Variants in TLL1 observed in about 807,000 individuals in gnomAD.
TLL1 encodes tolloid-like protein 1.
In TLL1, 49 loss-of-function variants were observed where a neutral mutation model predicts 128.2. The observed-to-expected ratio is 0.38, with a 90% confidence interval of 0.30 to 0.48. The LOEUF (loss-of-function observed/expected upper bound fraction) is 0.48. Among genes scored for constraint, TLL1 ranks in the 20% least tolerant of loss-of-function variants. The pLI, the probability that TLL1 is intolerant of heterozygous loss-of-function variation, is 0.96. For missense variants in TLL1, 1,123 were observed against 1,242.0 expected (o/e 0.90, Z 1.44); for synonymous variants, 454 against 418.8 (o/e 1.08, Z -1.03).
intron 1 of TLL1, among the ~76,000 whole-genome samples, chr4:165,947,159 G>A (rs1436986695): frequency 6.6e-6 from 1 of 152,048 alleles, no homozygotes; most frequent in African/African-American, 2.4e-5. Flanking sequence ...TTGGCATGTG[G>A]GTGGCCATCA....
intron 18 of TLL1, among the ~76,000 whole-genome samples, chr4:166,086,235 A>G (rs184806630): frequency 2.6e-5 from 4 of 152,124 alleles, no homozygotes; most frequent in Admixed American, 6.6e-5. Context: ...GAACTGAACT[A>G]TCAGAGTCAG....
chr4:166,056,747 A>C (rs896942984), intron 13 of TLL1, among the ~76,000 whole-genome samples: 13 of 152,154 alleles, frequency 8.5e-5, no homozygotes, highest in Admixed American at 6.6e-5. Context: ...TCAGAAAAAC[A>C]CACACTGTGT....
intron 1 of TLL1, among the ~76,000 whole-genome samples, chr4:165,950,085 C>T (rs1379010248): frequency 6.6e-6 from 1 of 151,930 alleles, no homozygotes; most frequent in African/African-American, 2.4e-5. Context: ...AAAAAATATA[C>T]CACACAAACT....
intron 12 of TLL1, among the ~76,000 whole-genome samples, chr4:166,050,292 G>C (rs1401614315): frequency 6.6e-6 from 1 of 152,006 alleles, no homozygotes; most frequent in Non-Finnish European, 1.5e-5. Context: ...TTTTAAGGTG[G>C]AATAATATTC....
At chr4:166,023,900 G>A (rs572186520) in intron 8 of TLL1, among the ~76,000 whole-genome samples, 4 of 150,078 alleles carry the variant, frequency 2.7e-5, no homozygotes, top group African/African-American at 1.0e-4. Context: ...TTAAACTGCT[G>A]TTAATTATAG....
chr4:166,068,907 A>G (rs1485532394), intron 16 of TLL1, among the ~76,000 whole-genome samples: 1 of 151,844 alleles, frequency 6.6e-6, no homozygotes, highest in Non-Finnish European at 1.5e-5. Flanking sequence ...TGCAGTGTCT[A>G]CACAGCTAAG....
chr4:166,015,032 AT>A lies in TLL1; in HGVS notation c.1042+473del, dbSNP rs1163867776. On this transcript the variant is annotated intron_variant, in intron 8 of 20. Transcript: ENST00000061240. ...ATTTATAACTTTGTTGTAAAAAAAA[AT>A]GTTCTAACCGGTTGCAAGTGAACTA... is the stretch of plus-strand genomic sequence containing the variant. Among the ~76,000 whole-genome samples, 11 of 151,880 alleles carry A rather than the reference AT, an allele frequency of 7.2e-5. No individual in the cohort carries two copies. The South Asian group carries it at 1.2e-3, about 17-fold the overall frequency.
intron 12 of TLL1, among the ~76,000 whole-genome samples, chr4:166,048,943 G>A (rs1181961656): frequency 1.3e-5 from 2 of 152,156 alleles, no homozygotes; most frequent in Non-Finnish European, 2.9e-5. Context: ...GTACTTGGTA[G>A]ATTGCTTGTC....
At chr4:166,041,257 A>C (rs1739222352) in intron 10 of TLL1, among the ~76,000 whole-genome samples, 1 of 151,670 alleles carries the variant, frequency 6.6e-6, no homozygotes, top group Non-Finnish European at 1.5e-5. Context: ...CTAGGTGAAT[A>C]AAGAACTCCA....
chr4:166,036,789 CTGTGTG>C (rs3047083), intron 9 of TLL1, among the ~76,000 whole-genome samples: 16,134 of 145,154 alleles, frequency 0.11, 877 homozygotes, highest in East Asian at 0.24. Context: ...CCCTATCCAA[CTGTGTG>C]TGTGTGTGTG....
chr4:165,932,417 C>G lies in TLL1; in HGVS notation c.170-56964C>G, dbSNP rs185473903. 1.3e-4 allele frequency among the ~76,000 whole-genome samples: 20 copies of G among 152,176 alleles called. No homozygotes were observed. In the East Asian group the frequency reaches 3.9e-3, roughly 30 times the overall value. On this transcript the variant is annotated intron_variant, in intron 1 of 20. Coordinates refer to ENST00000061240, the MANE Select transcript of TLL1 (RefSeq NM_012464.5). ...AGTATTCCTCATTCCTGATTAATAC[C>G]ATTTTTGCAAAGTTCTACCACTGTA...
chr4:166,015,583 C>G (rs1344814158), intron 8 of TLL1, among the ~76,000 whole-genome samples: 1 of 151,934 alleles, frequency 6.6e-6, no homozygotes. Context: ...AGAGGGCTAG[C>G]TAATTCATTC....
intron 12 of TLL1, among the ~76,000 whole-genome samples, chr4:166,046,535 A>C (rs2111098864): frequency 6.6e-6 from 1 of 152,242 alleles, no homozygotes; most frequent in East Asian, 1.9e-4. Flanking sequence ...TTATTTACTA[A>C]AATTTTGGAA....
chr4:166,057,416 C>T, intron 14 of TLL1, 107 bp downstream of exon 14: 5 of 1,483,268 alleles, frequency 3.4e-6, no homozygotes, highest in Non-Finnish European at 4.6e-6. Flanking sequence ...CTATAGTGAC[C>T]TCTTTCCTCA....
At position 165,964,118 on chromosome 4, in the gene TLL1, A is replaced by C. The variant is rs138524605; in HGVS notation, c.170-25263A>C. Among the ~76,000 whole-genome samples, 292 of 152,296 alleles carry C rather than the reference A, an allele frequency of 1.9e-3. 1 individual carries two copies. Among genetic ancestry groups the C allele is most frequent in the African/African-American group, 6.4e-3 (264 of 41,562 alleles). ...CATTAAAATGAATTAAGTGCTTCAA[A>C]AGAAAGATACTAGGAAAGTCATCAT... On this transcript the variant is annotated intron_variant, in intron 1 of 20. Transcript: ENST00000061240.
chr4:166,070,871 A>G (rs919593251), intron 16 of TLL1, among the ~76,000 whole-genome samples: 23 of 152,002 alleles, frequency 1.5e-4, no homozygotes, highest in African/African-American at 5.5e-4. Flanking sequence ...ACAAAACTTT[A>G]AAGTGCTTAA....
intron 17 of TLL1, among the ~76,000 whole-genome samples, chr4:166,075,508 T>G (rs986615993): frequency 6.6e-6 from 1 of 152,178 alleles, no homozygotes; most frequent in African/African-American, 2.4e-5. Context: ...AGTCATGGTT[T>G]TGGTCCAGAA....
chr4:165,974,716 ATTATAC>A (rs1480914321), intron 1 of TLL1, among the ~76,000 whole-genome samples: 11 of 152,208 alleles, frequency 7.2e-5, no homozygotes, highest in East Asian at 3.9e-4. Flanking sequence ...AGATTTAATA[ATTATAC>A]TTATATTATA....
Position 166,065,715 on chromosome 4 carries a change from T to C in TLL1, c.2040T>C (p.Ser680=). ...VCKYDYVEIW[S]GLSSESKLHG... is the part of the protein sequence containing the mutation. ...AATATGATTATGTGGAGATCTGGAG[T>C]GGTCTTTCCTCTGAGTCTAAACTGC... Residue 680 remains serine (S), a synonymous_variant, in exon 16 of 21, where the codon AGT becomes AGC. Coordinates refer to ENST00000061240, the MANE Select transcript of TLL1 (RefSeq NM_012464.5). 1 of 1,611,096 alleles carries C rather than the reference T, an allele frequency of 6.2e-7. No individual in the cohort carries two copies. Among genetic ancestry groups the C allele is most frequent in the African/African-American group, 1.3e-5 (1 of 74,314 alleles).
Sources: gnomAD v4.1 joint callset for allele counts (sites outside exome capture counted in the v4.1 genomes callset) on GRCh38, gnomAD v4.1.1 for gene constraint, MANE v1.5 for transcripts, NCBI Gene and HGNC (gene_info 2026-07-23, HGNC 2026-07-21) for gene names.